SLC18B1: variants seen among roughly 807,000 people sequenced by gnomAD.
SLC18B1 encodes the protein solute carrier family 18 member B1.
Under a neutral mutation model 53.9 loss-of-function variants are expected in SLC18B1, and 62 were observed. The ratio of observed to expected loss-of-function variants is 1.15; its 90% CI spans 0.94 to 1.42. The LOEUF (loss-of-function observed/expected upper bound fraction) is 1.42. Ranked by LOEUF, SLC18B1 falls within the 40% of genes most tolerant of loss-of-function variation. The pLI is 0.00. For missense variants in SLC18B1, 598 were observed against 547.3 expected, an observed-to-expected ratio of 1.09 and a Z score of -0.93; for synonymous variants, 217 against 200.9, an observed-to-expected ratio of 1.08 and a Z score of -0.68.
chr6:132,797,673 G>C (rs1781733400), intron 1 of SLC18B1, among the ~76,000 whole-genome samples: 1 of 152,170 alleles, frequency 6.6e-6, no homozygotes, highest in African/African-American at 2.4e-5. Context: ...CAGTATTGAA[G>C]TCAAATGAAG....
In SLC18B1 at chr6:132,797,073, C is replaced by T; in HGVS notation, c.92G>A (p.Arg31Lys). The T allele has an allele frequency of 6.2e-7, 1 of 1,614,164 alleles. No homozygotes were observed. The highest frequency in any genetic ancestry group is 8.5e-7 in the Non-Finnish European group (1 of 1,180,014). Residue 31 changes from arginine to lysine, a missense_variant, in exon 2 of 14, where the codon AGA becomes AAA. Transcript: ENST00000275227. Reference protein sequence around the residue: ...SAGETPGWLSREQVFVLISAA... With the variant: ...SAGETPGWLSKEQVFVLISAA... ...CGATATCAGTACAAAAACCTGTTCT[C>T]TCGAAAGCCACCCGGGGGTCTCTCC...
chr6:132,797,326 A>G (rs889767529), intron 1 of SLC18B1, among the ~76,000 whole-genome samples: 5 of 152,230 alleles, frequency 3.3e-5, no homozygotes, highest in Non-Finnish European at 5.9e-5. Flanking sequence ...TCGGCTGGGC[A>G]CGGTGGCTCA....
At position 132,773,092 on chromosome 6, in the gene SLC18B1, C is replaced by T. The variant is rs777986415; in HGVS notation, c.990-4G>A. On this transcript the variant is annotated splice_polypyrimidine_tract_variant and splice_region_variant and intron_variant, in intron 9 of 13. Coordinates refer to ENST00000275227, the MANE Select transcript of SLC18B1 (RefSeq NM_052831.3). Reference sequence around the variant, plus strand: ...CAGCACCAGCAGCCAGAGCTGACTGCAAAAGGGTTTTGGAGAAAACAAATA... The same window carrying T: ...CAGCACCAGCAGCCAGAGCTGACTGTAAAAGGGTTTTGGAGAAAACAAATA... The T allele has an allele frequency of 1.2e-6, 2 of 1,608,732 alleles. No homozygotes were observed. Among genetic ancestry groups the T allele is most frequent in the Non-Finnish European group, 1.7e-6 (2 of 1,175,450 alleles).
chr6:132,797,730 A>G (rs905070800), intron 1 of SLC18B1, among the ~76,000 whole-genome samples: 8 of 152,260 alleles, frequency 5.3e-5, no homozygotes, highest in African/African-American at 1.9e-4. Flanking sequence ...GTGAATTAAT[A>G]TTTACAGCGG....
chr6:132,773,891 A>G (rs141264485), intron 9 of SLC18B1, among the ~76,000 whole-genome samples: 532 of 152,316 alleles, frequency 3.5e-3, no homozygotes, highest in Non-Finnish European at 4.6e-3. Flanking sequence ...AAACAAAAAT[A>G]TATTCTAAGA....
In SLC18B1 at chr6:132,788,841, A is replaced by C. The variant is rs1448893728; in HGVS notation, c.353+923T>G. On this transcript the variant is annotated intron_variant, in intron 4 of 13. Transcript: ENST00000275227. The stretch of plus-strand genomic sequence containing the variant: ...CCATCTCAAAAAGAAAAAAAAAAAA[A>C]AAAACATGTAGAATCACTCTGACAA... 2.0e-5 allele frequency among the ~76,000 whole-genome samples: 3 copies of C among 150,850 alleles called. No homozygotes were observed. In the South Asian group the frequency reaches 6.3e-4, roughly 32 times the overall value.
intron 7 of SLC18B1, among the ~76,000 whole-genome samples, chr6:132,777,142 G>C (rs1249986889): frequency 6.6e-6 from 1 of 151,998 alleles, no homozygotes; most frequent in East Asian, 1.9e-4. Context: ...AATCGAGGTG[G>C]AGGCAGGAGA....
intron 6 of SLC18B1, among the ~76,000 whole-genome samples, chr6:132,781,851 G>A (rs1781246065): frequency 6.6e-6 from 1 of 151,980 alleles, no homozygotes; most frequent in Non-Finnish European, 1.5e-5. Context: ...GGGTTAGGTA[G>A]AGTGAAAGAA....
chr6:132,772,866 A>G (rs1781010577), intron 10 of SLC18B1, 127 bp downstream of exon 10: 2 of 634,072 alleles, frequency 3.2e-6, no homozygotes, highest in Admixed American at 2.8e-5. Flanking sequence ...CATATGCTAC[A>G]AAATCATGAA....
In SLC18B1 at chr6:132,798,601, G is replaced by A; in HGVS notation, c.-145C>T. The A allele has an allele frequency of 2.4e-6, 2 of 844,722 alleles. No individual in the cohort carries two copies. The highest frequency in any genetic ancestry group is 3.3e-6 in the Non-Finnish European group (2 of 606,582). 52.3% of individuals were successfully genotyped at this position (844,722 alleles called of 1,614,324 possible). On this transcript the variant is annotated 5_prime_UTR_variant, in exon 1 of 14. Coordinates refer to ENST00000275227, the MANE Select transcript of SLC18B1 (RefSeq NM_052831.3). ...CCCGACTCCCTGCAGGCAGCGATCC[G>A]CCCGGCCCGGAGCTCCCCAAAGCCT...
intron 2 of SLC18B1, among the ~76,000 whole-genome samples, chr6:132,792,284 G>GAAAGAAAGAAAGAAAGGAAGA (rs1461079612): frequency 1.3e-4 from 5 of 37,804 alleles, no homozygotes; most frequent in Non-Finnish European, 2.4e-4. Context: ...AGAAAGAAAG[G>GAAAGAAAGAAAGAAAGGAAGA]AAGAAAGGAA....
At chr6:132,786,341 C>A (rs190976431) in intron 5 of SLC18B1, among the ~76,000 whole-genome samples, 1 of 151,816 alleles carries the variant, frequency 6.6e-6, no homozygotes, top group African/African-American at 2.4e-5. Flanking sequence ...GTCAGGAGAT[C>A]GAGACCATCC....
At chr6:132,786,648 A>T (rs369732285) in intron 5 of SLC18B1, among the ~76,000 whole-genome samples, 2 of 152,020 alleles carry the variant, frequency 1.3e-5, no homozygotes, top group Admixed American at 1.3e-4. Context: ...ACATTGTTAC[A>T]TGAGTAAATG....
At chr6:132,775,662 G>A (rs1781081447) in intron 8 of SLC18B1, among the ~76,000 whole-genome samples, 1 of 152,174 alleles carries the variant, frequency 6.6e-6, no homozygotes, top group South Asian at 2.1e-4. Context: ...GTTTAAACCT[G>A]GTTGAAAGAG....
Position 132,790,265 on chromosome 6 carries a change from T to G in SLC18B1, c.191A>C (p.Lys64Thr). 2.6e-6 allele frequency: 4 copies of G among 1,549,828 alleles called. No homozygotes were observed. ...GATAATTGTATTGCTGGCTCCCTTC[T>G]TTTCAGCCTTTAAGTAATAGAAACG... ...LGPFFPKEAEKKGASNTIIGM... is the reference protein window; with the variant it reads ...LGPFFPKEAETKGASNTIIGM... Residue 64 changes from lysine (K) to threonine (T), a missense_variant, in exon 3 of 14, where the codon AAG becomes ACG. Physicochemically the swap from Lys to Thr is moderately conservative, Grantham distance 78 (BLOSUM62 -1). Transcript: ENST00000275227.
intron 4 of SLC18B1, 145 bp from the exon 5 acceptor site, chr6:132,787,726 T>C (rs1781415084): frequency 1.5e-6 from 1 of 680,030 alleles, no homozygotes; most frequent in South Asian, 4.9e-5. Context: ...TTTAAAAGAG[T>C]TGCTTTGTTG....
chr6:132,792,276 A>AAGG (rs1781552275), intron 2 of SLC18B1, among the ~76,000 whole-genome samples: 2 of 51,600 alleles, frequency 3.9e-5, no homozygotes, highest in East Asian at 4.4e-4. Flanking sequence ...AGAAAGAAAG[A>AAGG]AAGAAAGGAA....
rs1183930636 is a variant in SLC18B1, at chr6:132,779,366, C to A, written c.697G>T (p.Ala233Ser). Residue 233 changes from alanine to serine, a missense_variant, in exon 7 of 14, where the codon GCT becomes TCT. Ala to Ser is a moderately conservative substitution (Grantham distance 99). Transcript: ENST00000275227. ...PGEHSFWKLIALPKVGLIAFV... is the reference protein window; with the variant it reads ...PGEHSFWKLISLPKVGLIAFV... Reference sequence around the variant, plus strand: ...GCTATAAGGCCAACTTTGGGTAAAGCGATCAGTTTCCAGAATGAGTGTTCA... The same window carrying A: ...GCTATAAGGCCAACTTTGGGTAAAGAGATCAGTTTCCAGAATGAGTGTTCA... The A allele has an allele frequency of 6.2e-7, 1 of 1,612,614 alleles. No homozygotes were observed. Among genetic ancestry groups the A allele is most frequent in the African/African-American group, 1.3e-5 (1 of 74,572 alleles).
At position 132,792,280 on chromosome 6, in the gene SLC18B1, A is replaced by AAAGAAAGAAAGAAAGAAGG. The variant is rs1554223267; in HGVS notation, c.184-2009_184-2008insCCTTCTTTCTTTCTTTCTT. ...GAAAGAAAGAAAGAAAGAAAGAAAG[A>AAAGAAAGAAAGAAAGAAGG]AAGGAAGAAAGGAAGGAAGGAAGGA... is the stretch of plus-strand genomic sequence containing the variant. On this transcript the variant is annotated intron_variant, in intron 2 of 13. Coordinates refer to ENST00000275227, the MANE Select transcript of SLC18B1 (RefSeq NM_052831.3). Among the ~76,000 whole-genome samples, 5 of 42,674 alleles carry AAAGAAAGAAAGAAAGAAGG rather than the reference A, an allele frequency of 1.2e-4. 1 individual carries two copies. Among genetic ancestry groups the AAAGAAAGAAAGAAAGAAGG allele is most frequent in the African/African-American group, 6.4e-4 (5 of 7,834 alleles). The allele number at this position is 42,674 out of a possible 152,430, so 28.0% of individuals were successfully genotyped here.
Sources: allele counts gnomAD v4.1 joint callset (sites outside exome capture counted in the v4.1 genomes callset), GRCh38; gene constraint gnomAD v4.1.1; transcripts MANE v1.5; gene names NCBI Gene and HGNC (gene_info 2026-07-23, HGNC 2026-07-21).